KCTD12: variants seen among roughly 807,000 people sequenced by gnomAD.
The protein encoded by KCTD12 is BTB/POZ domain-containing protein KCTD12.
KCTD12 carries 16 observed loss-of-function variants against 22.6 expected under a neutral mutation model. The ratio of observed to expected loss-of-function variants is 0.71; its 90% CI spans 0.48 to 1.07. KCTD12 has a LOEUF of 1.07. KCTD12 is among the 50% of genes least tolerant of loss of function. The pLI is 0.00. For missense variants in KCTD12, 452 were observed against 469.2 expected, an observed-to-expected ratio of 0.96 and a Z score of 0.34; for synonymous variants, 260 against 228.0, an observed-to-expected ratio of 1.14 and a Z score of -1.26.
chr13:76,885,494 T>C lies in KCTD12; in HGVS notation c.655A>G (p.Thr219Ala). The C allele has an allele frequency of 1.2e-6, 2 of 1,605,278 alleles. No individual in the cohort carries two copies. The highest frequency in any genetic ancestry group is 1.7e-6 in the Non-Finnish European group (2 of 1,178,312). Residue 219 changes from threonine to alanine, a missense_variant, in exon 1 of 1, where the codon ACC (threonine) becomes GCC (alanine). This residue lies in a region of KCTD12 where 122 missense variants were observed against 172.8 expected (regional missense o/e 0.71). Transcript: ENST00000377474. The surrounding 1 kb of genome is among the most constrained non-coding windows in gnomAD (Gnocchi z 5.1). ...YITIGYRGSYTIGRDAQADAK... is the reference protein window; with the variant it reads ...YITIGYRGSYAIGRDAQADAK... ...TCCGCCTGCGCGTCCCGCCCGATGG[T>C]GTAGGAGCCGCGGTAGCCGATGGTG...
At position 76,886,187 on chromosome 13, in the gene KCTD12, C is replaced by T; in HGVS notation, c.-39G>A. ...CCGGGCCGGGACAGTGGCAGGAAGC[C>T]GCGCTGCACTCAGGAGCTGCAACCG... On this transcript the variant is annotated 5_prime_UTR_variant, in exon 1 of 1. Coordinates refer to ENST00000377474, the MANE Select transcript of KCTD12 (RefSeq NM_138444.4). 1 of 1,426,530 alleles carries T rather than the reference C, an allele frequency of 7.0e-7. No individual in the cohort carries two copies. The highest frequency in any genetic ancestry group is 9.1e-7 in the Non-Finnish European group (1 of 1,094,700). The allele number at this position is 1,426,530 out of a possible 1,614,324, so 88.4% of individuals were successfully genotyped here.
Position 76,885,613 on chromosome 13 carries a change from A to G in KCTD12, c.536T>C (p.Leu179Pro), listed in dbSNP as rs2033258006. ...GGACGGACTGCGGCTAGCCAGCTCC[A>G]GCGTGGGCGACGGCGCCCCGGCAGA... is the stretch of plus-strand genomic sequence containing the variant. ...GASAGAPSPT[L>P]ELASRSPSGG... The change falls in exon 1 of 1, where the codon CTG becomes CCG. Residue 179 changes from leucine (L) to proline (P), a missense_variant. Physicochemically the swap from Leu to Pro is moderately conservative, Grantham distance 98. Coordinates refer to ENST00000377474, the MANE Select transcript of KCTD12 (RefSeq NM_138444.4). The surrounding 1 kb of genome is among the most constrained non-coding windows in gnomAD (Gnocchi z 5.1). The G allele has an allele frequency of 6.6e-7, 1 of 1,507,042 alleles. No homozygotes were observed. The highest frequency in any genetic ancestry group is 1.3e-5 in the South Asian group (1 of 78,154). 93.4% of individuals were successfully genotyped at this position (1,507,042 alleles called of 1,614,324 possible). A position where few individuals can be genotyped will look rare whatever the true frequency, so the allele number is the denominator to read the frequency against.
In KCTD12 at chr13:76,886,143, A is replaced by C. The variant is rs1452286654; in HGVS notation, c.6T>G (p.Ala2=). 6.6e-7 allele frequency: 1 copy of C among 1,505,566 alleles called. No individual in the cohort carries two copies. The highest frequency in any genetic ancestry group is 2.2e-5 in the Admixed American group (1 of 45,510). 93.3% of individuals were successfully genotyped at this position (1,505,566 alleles called of 1,614,324 possible). The part of the protein sequence containing the change: M[A]LADSTRGLPN... ...GTAATCCACGTGTGCTGTCCGCCAG[A>C]GCCATGACAGAGAGGTGGCCGGGCC... The change falls in exon 1 of 1, where the codon GCT becomes GCG. Residue 2 remains alanine (A), a synonymous_variant. Transcript: ENST00000377474.
rs2033200907 is a variant in KCTD12, at chr13:76,881,374, C to T, written c.*3797G>A. On this transcript the variant is annotated 3_prime_UTR_variant, in exon 1 of 1. Transcript: ENST00000377474. ...ATTTAGCATTTTGCATGTGGGAGTA[C>T]ACAAATGAATTGAATATTGGATCAG... 6.6e-6 allele frequency: 1 copy of T among 152,454 alleles called. No individual in the cohort carries two copies. The highest frequency in any genetic ancestry group is 6.6e-5 in the Admixed American group (1 of 15,250). 9.4% of individuals were successfully genotyped at this position (152,454 alleles called of 1,614,324 possible).
At position 76,885,870 on chromosome 13, in the gene KCTD12, C is replaced by G. The variant is rs1286295808; in HGVS notation, c.279G>C (p.Leu93=). The change falls in exon 1 of 1, where the codon CTG becomes CTC. Residue 93 remains leucine, a synonymous_variant. Coordinates refer to ENST00000377474, the MANE Select transcript of KCTD12 (RefSeq NM_138444.4). This position sits in a 1 kb window ranked among gnomAD's most constrained non-coding sequence, Gnocchi z 5.1. ...CGAGCTGCAAGTCCCGCAGGTAATCCAGGATGTAGCGGAAGAGGAAGCCGT... is the reference window on the plus strand; with the variant it reads ...CGAGCTGCAAGTCCCGCAGGTAATCGAGGATGTAGCGGAAGAGGAAGCCGT... ...DRDGFLFRYI[L]DYLRDLQLVL... is the part of the protein sequence containing the mutation. 6.3e-7 allele frequency: 1 copy of G among 1,597,168 alleles called. No individual in the cohort carries two copies. Among genetic ancestry groups the G allele is most frequent in the Non-Finnish European group, 8.5e-7 (1 of 1,179,484 alleles).
chr13:76,886,145 C>A lies in KCTD12; in HGVS notation c.4G>T (p.Ala2Ser), dbSNP rs1311045050. The A allele has an allele frequency of 1.3e-6, 2 of 1,505,484 alleles. No homozygotes were observed. Among genetic ancestry groups the A allele is most frequent in the Non-Finnish European group, 1.8e-6 (2 of 1,127,814 alleles). 93.3% of individuals were successfully genotyped at this position (1,505,484 alleles called of 1,614,324 possible). A position where few individuals can be genotyped will look rare whatever the true frequency, so the allele number is the denominator to read the frequency against. Residue 2 changes from alanine to serine, a missense_variant, in exon 1 of 1, where the codon GCT becomes TCT. Physicochemically the swap from Ala to Ser is moderately conservative, Grantham distance 99. Transcript: ENST00000377474. Reference protein sequence around the residue: MALADSTRGLPN... With the variant: MSLADSTRGLPN... The stretch of plus-strand genomic sequence containing the variant: ...AATCCACGTGTGCTGTCCGCCAGAG[C>A]CATGACAGAGAGGTGGCCGGGCCGG...
chr13:76,886,197 T>C lies in KCTD12; in HGVS notation c.-49A>G. 1 of 1,399,476 alleles carries C rather than the reference T, an allele frequency of 7.1e-7. No homozygotes were observed. The highest frequency in any genetic ancestry group is 9.2e-7 in the Non-Finnish European group (1 of 1,083,832). 86.7% of individuals were successfully genotyped at this position (1,399,476 alleles called of 1,614,324 possible). On this transcript the variant is annotated 5_prime_UTR_variant, in exon 1 of 1. Transcript: ENST00000377474. Reference sequence around the variant, plus strand: ...ACAGTGGCAGGAAGCCGCGCTGCACTCAGGAGCTGCAACCGCCTTCCCCGG... The same window carrying C: ...ACAGTGGCAGGAAGCCGCGCTGCACCCAGGAGCTGCAACCGCCTTCCCCGG...
Position 76,885,719 on chromosome 13 carries a change from G to A in KCTD12, c.430C>T (p.Arg144Cys). The A allele has an allele frequency of 7.1e-7, 1 of 1,405,366 alleles. No homozygotes were observed. The highest frequency in any genetic ancestry group is 9.1e-7 in the Non-Finnish European group (1 of 1,093,552). The allele number at this position is 1,405,366 out of a possible 1,614,324, so 87.1% of individuals were successfully genotyped here. A position where few individuals can be genotyped will look rare whatever the true frequency, so the allele number is the denominator to read the frequency against. ...QPGPGPPPSR[R>C]GVHKEGSLGD... The stretch of plus-strand genomic sequence containing the variant: ...AGCGAGCCCTCCTTGTGCACCCCGC[G>A]CCGCGAGGGCGGCGGCCCCGGGCCG... The change falls in exon 1 of 1, where the codon CGC becomes TGC. Residue 144 changes from arginine to cysteine, a missense_variant. Coordinates refer to ENST00000377474, the MANE Select transcript of KCTD12 (RefSeq NM_138444.4). This position sits in a 1 kb window ranked among gnomAD's most constrained non-coding sequence, Gnocchi z 5.1.
rs1350879030 is a variant in KCTD12 at position 76,886,273 on chromosome 13, G to GCCACCGCCGCCACCGCCA, written c.-126_-125insTGGCGGTGGCGGCGGTGG. On this transcript the variant is annotated 5_prime_UTR_variant, in exon 1 of 1. Coordinates refer to ENST00000377474, the MANE Select transcript of KCTD12 (RefSeq NM_138444.4). ...AGCCCTGCGCCCCGCCGCCGCCGCC[G>GCCACCGCCGCCACCGCCA]CCGCCACCGCCGCCACCGCCACCGC... 1 of 1,068,426 alleles carries GCCACCGCCGCCACCGCCA rather than the reference G, an allele frequency of 9.4e-7. No homozygotes were observed. The highest frequency in any genetic ancestry group is 4.5e-5 in the Admixed American group (1 of 22,374). 66.2% of individuals were successfully genotyped at this position (1,068,426 alleles called of 1,614,324 possible).
Position 76,886,226 on chromosome 13 carries a change from C to T in KCTD12, c.-78G>A. ...GAGCTGCAACCGCCTTCCCCGGAGCCCCGGAACCCGGACGCTCGCTCAGCC... is the reference window on the plus strand; with the variant it reads ...GAGCTGCAACCGCCTTCCCCGGAGCTCCGGAACCCGGACGCTCGCTCAGCC... On this transcript the variant is annotated 5_prime_UTR_variant, in exon 1 of 1. Coordinates refer to ENST00000377474, the MANE Select transcript of KCTD12 (RefSeq NM_138444.4). 2 of 1,375,480 alleles carry T rather than the reference C, an allele frequency of 1.5e-6. No homozygotes were observed. Among genetic ancestry groups the T allele is most frequent in the Non-Finnish European group, 9.3e-7 (1 of 1,072,406 alleles). The allele number at this position is 1,375,480 out of a possible 1,614,324, so 85.2% of individuals were successfully genotyped here.
chr13:76,885,156 G>T lies in KCTD12; in HGVS notation c.*15C>A, dbSNP rs1025561201. The T allele has an allele frequency of 1.7e-5, 28 of 1,603,962 alleles. No homozygotes were observed. Among genetic ancestry groups the T allele is most frequent in the Non-Finnish European group, 2.4e-5 (28 of 1,173,118 alleles). On this transcript the variant is annotated 3_prime_UTR_variant, in exon 1 of 1. Transcript: ENST00000377474. The surrounding 1 kb of genome is among the most constrained non-coding windows in gnomAD (Gnocchi z 5.1). ...GAAGGACTGGGCGCTGGAGTGGCGA[G>T]GGGGTCTGGGGAGCTCACTCCCTGC...
rs759503116 is a variant in KCTD12, at chr13:76,885,124, G to A, written c.*47C>T. On this transcript the variant is annotated 3_prime_UTR_variant, in exon 1 of 1. Coordinates refer to ENST00000377474, the MANE Select transcript of KCTD12 (RefSeq NM_138444.4). The surrounding 1 kb of genome is among the most constrained non-coding windows in gnomAD (Gnocchi z 5.1). ...CAAGAGGCTCTGTAATCATCTCTCG[G>A]GCAGGAGAAGGACTGGGCGCTGGAG... is the stretch of plus-strand genomic sequence containing the variant. 6.3e-7 allele frequency: 1 copy of A among 1,578,852 alleles called. No homozygotes were observed. Among genetic ancestry groups the A allele is most frequent in the Non-Finnish European group, 8.6e-7 (1 of 1,160,518 alleles).
chr13:76,886,104 G>A lies in KCTD12; in HGVS notation c.45C>T (p.Gly15=), dbSNP rs1010379704. The change falls in exon 1 of 1, where the codon GGC becomes GGT. Residue 15 remains glycine, a synonymous_variant. Coordinates refer to ENST00000377474, the MANE Select transcript of KCTD12 (RefSeq NM_138444.4). ...DSTRGLPNGG[G]GGGGSGSSSS... ...ACGAGGAGCCACTGCCGCCCCCGCC[G>A]CCGCCCCCGTTGGGTAATCCACGTG... 2.6e-6 allele frequency: 4 copies of A among 1,542,136 alleles called. No homozygotes were observed. The highest frequency in any genetic ancestry group is 2.5e-5 in the East Asian group (1 of 40,682).
rs769634652 is a variant in KCTD12, at chr13:76,885,301, T to C, written c.848A>G (p.Lys283Arg). 2 of 1,613,972 alleles carry C rather than the reference T, an allele frequency of 1.2e-6. No individual in the cohort carries two copies. The highest frequency in any genetic ancestry group is 1.7e-5 in the Admixed American group (1 of 60,008). Residue 283 changes from lysine to arginine, a missense_variant, in exon 1 of 1, where the codon AAG becomes AGG. Transcript: ENST00000377474. This position sits in a 1 kb window ranked among gnomAD's most constrained non-coding sequence, Gnocchi z 5.1. ...KFNFLEQAFD[K>R]LSESGFHMVA... ...CATGTGGAAGCCCGACTCGGACAGC[T>C]TGTCGAAGGCCTGCTCCAGGAAGTT...
At position 76,886,393 on chromosome 13, in the gene KCTD12, G is replaced by T; in HGVS notation, c.-245C>A. On this transcript the variant is annotated 5_prime_UTR_variant, in exon 1 of 1. Coordinates refer to ENST00000377474, the MANE Select transcript of KCTD12 (RefSeq NM_138444.4). ...TGCGCTCCGCCCGCCTTGCCCGCGC[G>T]CTCCAGGCGAGTGCCGGGTCGCGGC... 1 of 257,114 alleles carries T rather than the reference G, an allele frequency of 3.9e-6. No homozygotes were observed. Among genetic ancestry groups the T allele is most frequent in the Middle Eastern group, 1.3e-3 (1 of 754 alleles). 15.9% of individuals were successfully genotyped at this position (257,114 alleles called of 1,614,324 possible).
Position 76,884,881 on chromosome 13 carries a change from T to C in KCTD12, c.*290A>G, listed in dbSNP as rs772770532. 1.7e-5 allele frequency: 6 copies of C among 362,470 alleles called. No individual in the cohort carries two copies. The highest frequency in any genetic ancestry group is 2.6e-5 in the Non-Finnish European group (5 of 195,776). The allele number at this position is 362,470 out of a possible 1,614,324, so 22.5% of individuals were successfully genotyped here. On this transcript the variant is annotated 3_prime_UTR_variant, in exon 1 of 1. Coordinates refer to ENST00000377474, the MANE Select transcript of KCTD12 (RefSeq NM_138444.4). ...GAAGTACCATCTGGGGGAGGGGTGG[T>C]TTGAGGCAGGGAGTAGAGAAAGCAT...
rs2137704650 is a variant in KCTD12 at position 76,886,084 on chromosome 13, G to A, written c.65C>T (p.Ser22Phe). The A allele has an allele frequency of 1.3e-6, 2 of 1,524,198 alleles. No homozygotes were observed. Among genetic ancestry groups the A allele is most frequent in the Non-Finnish European group, 1.8e-6 (2 of 1,131,498 alleles). 94.4% of individuals were successfully genotyped at this position (1,524,198 alleles called of 1,614,324 possible). ...CGGTGGCTCCGCGGAGGACGACGAG[G>A]AGCCACTGCCGCCCCCGCCGCCGCC... The part of the protein sequence containing the change: ...NGGGGGGGSG[S>F]SSSSAEPPLF... The change falls in exon 1 of 1, where the codon TCC becomes TTC. Residue 22 changes from serine to phenylalanine, a missense_variant. Physicochemically the swap from Ser to Phe is radical, Grantham distance 155. Coordinates refer to ENST00000377474, the MANE Select transcript of KCTD12 (RefSeq NM_138444.4).
rs2033271405 is a variant in KCTD12 at position 76,886,235 on chromosome 13, C to T, written c.-87G>A. 5 of 1,360,128 alleles carry T rather than the reference C, an allele frequency of 3.7e-6. No individual in the cohort carries two copies. The highest frequency in any genetic ancestry group is 4.0e-5 in the Admixed American group (1 of 24,980). 84.3% of individuals were successfully genotyped at this position (1,360,128 alleles called of 1,614,324 possible). A position where few individuals can be genotyped will look rare whatever the true frequency, so the allele number is the denominator to read the frequency against. ...CCGCCTTCCCCGGAGCCCCGGAACC[C>T]GGACGCTCGCTCAGCCCTGCGCCCC... On this transcript the variant is annotated 5_prime_UTR_variant, in exon 1 of 1. Transcript: ENST00000377474.
chr13:76,881,681 AC>A lies in KCTD12; in HGVS notation c.*3489del, dbSNP rs2033205269. 1.3e-5 allele frequency: 2 copies of A among 151,950 alleles called. No individual in the cohort carries two copies. The highest frequency in any genetic ancestry group is 2.4e-5 in the African/African-American group (1 of 41,328). The allele number at this position is 151,950 out of a possible 1,614,324, so 9.4% of individuals were successfully genotyped here. On this transcript the variant is annotated 3_prime_UTR_variant, in exon 1 of 1. Coordinates refer to ENST00000377474, the MANE Select transcript of KCTD12 (RefSeq NM_138444.4). ...CAATCAAAAACCAGTAGAATACATA[AC>A]AACATTGAAAGGGAAAAATTTTTAA...
Sources: allele counts gnomAD v4.1 joint callset, GRCh38; gene constraint gnomAD v4.1.1; regional missense constraint gnomAD v4.1.1; non-coding constraint Gnocchi (gnomAD v3.1); transcripts MANE v1.5; gene names NCBI Gene and HGNC (gene_info 2026-07-23, HGNC 2026-07-21).